Variants in DLC1 observed in about 807,000 individuals in gnomAD.
DLC1 encodes DLC1 Rho GTPase activating protein.
In DLC1, 54 loss-of-function variants were observed where a neutral mutation model predicts 140.3. The observed-to-expected ratio is 0.38, with a 90% CI of 0.31 to 0.48. DLC1 has a LOEUF of 0.48. DLC1 is among the 20% of genes least tolerant of loss of function. DLC1 has a pLI of 0.96. For synonymous variants in DLC1, 986 were observed against 728.1 expected, an observed-to-expected ratio of 1.35 and a Z score of -5.70; for missense variants, 2,536 against 1,907.0, an observed-to-expected ratio of 1.33 and a Z score of -6.14.
At chr8:13,102,722 A>G (rs1220085793) in intron 8 of DLC1, 68 bp downstream of exon 8, 11 of 1,394,970 alleles carry the variant, frequency 7.9e-6, no homozygotes, top group Non-Finnish European at 1.1e-5. Flanking sequence ...ACCTATTACA[A>G]AACACATCAT....
Position 13,521,175 on chromosome 8 carries a change from C to T in DLC1, c.-125-20979G>A, listed in dbSNP as rs557045319. 5.3e-5 allele frequency among the ~76,000 whole-genome samples: 8 copies of T among 152,152 alleles called. No individual in the cohort carries two copies. The South Asian group carries it at 1.7e-3, about 32-fold the overall frequency. Reference sequence around the variant, plus strand: ...AACAGGAAACCAAACACTGCATGTTCTTACTCATAAAAGGGAGCTGAACAA... The same window carrying T: ...AACAGGAAACCAAACACTGCATGTTTTTACTCATAAAAGGGAGCTGAACAA... On this transcript the variant is annotated intron_variant, in intron 1 of 1. Coordinates refer to the DLC1 transcript ENST00000631382.
At chr8:13,356,795 T>G (rs79481926) in intron 4 of DLC1, among the ~76,000 whole-genome samples, 3,512 of 152,238 alleles carry the variant, frequency 0.023, 69 homozygotes, top group South Asian at 0.081. Context: ...CCGTACTTCC[T>G]GATCAATGCT....
At chr8:13,589,700 T>C (rs1207733930) in intron 1 of DLC1, among the ~76,000 whole-genome samples, 1 of 151,910 alleles carries the variant, frequency 6.6e-6, no homozygotes, top group Non-Finnish European at 1.5e-5. Flanking sequence ...TTTTTTTTTT[T>C]TCACAGATTT....
intron 3 of DLC1, 57 bp from the exon 4 acceptor site, chr8:13,393,750 T>C: frequency 1.1e-5 from 17 of 1,566,246 alleles, no homozygotes; most frequent in Non-Finnish European, 1.5e-5. Context: ...CAAATGCCCT[T>C]CTTCCTACCA....
intron 1 of DLC1, among the ~76,000 whole-genome samples, chr8:13,574,340 G>T (rs1804764423): frequency 6.6e-6 from 1 of 152,250 alleles, no homozygotes; most frequent in East Asian, 1.9e-4. Flanking sequence ...AGACATATTT[G>T]ATGACTATCT....
In DLC1 at chr8:13,393,697, T is replaced by C; in HGVS notation, c.1174-4A>G. 2 of 1,611,684 alleles carry C rather than the reference T, an allele frequency of 1.2e-6. No homozygotes were observed. The highest frequency in any genetic ancestry group is 1.7e-6 in the Non-Finnish European group (2 of 1,179,194). On this transcript the variant is annotated splice_polypyrimidine_tract_variant and splice_region_variant and intron_variant, in intron 3 of 17. Coordinates refer to ENST00000276297, the MANE Select transcript of DLC1 (RefSeq NM_182643.3). Reference sequence around the variant, plus strand: ...TTTCAGATCCTGATTCCAGATCCTATTAAAAAACAAATGCACTGGTATGAA... The same window carrying C: ...TTTCAGATCCTGATTCCAGATCCTACTAAAAAACAAATGCACTGGTATGAA...
intron 4 of DLC1, among the ~76,000 whole-genome samples, chr8:13,324,220 G>T (rs1214676228): frequency 6.6e-6 from 1 of 152,100 alleles, no homozygotes; most frequent in East Asian, 1.9e-4. Flanking sequence ...CAAACTCAAG[G>T]TTTTTAGTAG....
chr8:13,267,081 A>G (rs1830717262), intron 5 of DLC1, among the ~76,000 whole-genome samples: 1 of 152,232 alleles, frequency 6.6e-6, no homozygotes, highest in Admixed American at 6.5e-5. Flanking sequence ...ATGAAATTCT[A>G]GCTTCTTGTA....
At chr8:13,374,761 G>A (rs1324891224) in intron 4 of DLC1, among the ~76,000 whole-genome samples, 5 of 152,182 alleles carry the variant, frequency 3.3e-5, no homozygotes, top group African/African-American at 1.2e-4. Context: ...CAGTCTGGGT[G>A]ACAGAGAGAG....
chr8:13,302,702 A>G (rs1832249355), intron 5 of DLC1, among the ~76,000 whole-genome samples: 1 of 139,572 alleles, frequency 7.2e-6, no homozygotes, highest in Non-Finnish European at 1.5e-5. Flanking sequence ...ACATTGATTT[A>G]GAAAGATACA....
chr8:13,357,402 C>A (rs1370044022), intron 4 of DLC1, among the ~76,000 whole-genome samples: 1 of 152,240 alleles, frequency 6.6e-6, no homozygotes, highest in Non-Finnish European at 1.5e-5. Context: ...CCCAGTTTGA[C>A]TTCTGCTGCT....
At chr8:13,156,995 TCAGA>T (rs1824304499) in intron 5 of DLC1, among the ~76,000 whole-genome samples, 1 of 152,196 alleles carries the variant, frequency 6.6e-6, no homozygotes. Flanking sequence ...AATCTGATTC[TCAGA>T]CAGGAAGTGT....
intron 4 of DLC1, among the ~76,000 whole-genome samples, chr8:13,380,200 A>G (rs1836189564): frequency 6.6e-6 from 1 of 152,252 alleles, no homozygotes; most frequent in Admixed American, 6.5e-5. Context: ...CATAAAGACC[A>G]CAAATAAGAA....
intron 1 of DLC1, among the ~76,000 whole-genome samples, chr8:13,584,879 A>T (rs1805245613): frequency 6.6e-6 from 1 of 152,172 alleles, no homozygotes; most frequent in Non-Finnish European, 1.5e-5. Context: ...TATAATCTGA[A>T]ACCTTTCCCC....
chr8:13,459,674 C>T (rs907671282), intron 2 of DLC1, among the ~76,000 whole-genome samples: 5 of 152,134 alleles, frequency 3.3e-5, no homozygotes, highest in Admixed American at 6.5e-5. Flanking sequence ...CAACTTCTCC[C>T]GCACAGCCAA....
At chr8:13,594,587 T>C (rs1032165858) in intron 1 of DLC1, among the ~76,000 whole-genome samples, 7 of 152,146 alleles carry the variant, frequency 4.6e-5, no homozygotes, top group Non-Finnish European at 8.8e-5. Flanking sequence ...ACCCTCATTT[T>C]AATTTTGCAT....
At chr8:13,563,491 A>G (rs1209189968) in intron 1 of DLC1, among the ~76,000 whole-genome samples, 1 of 152,218 alleles carries the variant, frequency 6.6e-6, no homozygotes, top group African/African-American at 2.4e-5. Context: ...TCCTCCAGAA[A>G]GAATCAGCTC....
intron 5 of DLC1, among the ~76,000 whole-genome samples, chr8:13,260,374 G>A (rs1830427260): frequency 6.6e-6 from 1 of 152,152 alleles, no homozygotes; most frequent in South Asian, 2.1e-4. Context: ...AAAGGCAGAC[G>A]CAGAGACACA....
intron 1 of DLC1, among the ~76,000 whole-genome samples, chr8:13,562,119 G>A (rs923297056): frequency 6.6e-6 from 1 of 152,000 alleles, no homozygotes; most frequent in African/African-American, 2.4e-5. Flanking sequence ...AATTCACAGA[G>A]CTGTACACTA....
Sources: allele counts gnomAD v4.1 joint callset (sites outside exome capture counted in the v4.1 genomes callset), GRCh38; gene constraint gnomAD v4.1.1; transcripts MANE v1.5; gene names NCBI Gene and HGNC (gene_info 2026-07-23, HGNC 2026-07-21).